RFFL: variants seen among roughly 807,000 people sequenced by gnomAD.
RFFL encodes E3 ubiquitin-protein ligase rififylin.
A neutral mutation model predicts 40.4 loss-of-function variants in RFFL; 16 were observed. The observed-to-expected ratio is 0.40, with a 90% CI of 0.27 to 0.60. The LOEUF (loss-of-function observed/expected upper bound fraction) is 0.60. RFFL is among the 20% of genes least tolerant of loss of function. RFFL has a pLI of 0.47. For missense variants in RFFL, 367 were observed against 451.7 expected (o/e 0.81, Z 1.70); for synonymous variants, 154 against 167.9 (o/e 0.92, Z 0.64).
upstream of RFFL, among the ~76,000 whole-genome samples, chr17:35,064,289 A>AT (rs35094978): frequency 0.026 from 3,780 of 147,734 alleles, 158 homozygotes; most frequent in African/African-American, 0.086. Flanking sequence ...ATGCACTGGA[A>AT]TTTTTTTTTT....
chr17:35,059,960 G>C (rs547920559), intron 1 of RFFL, among the ~76,000 whole-genome samples: 2 of 152,262 alleles, frequency 1.3e-5, no homozygotes, highest in South Asian at 2.1e-4. Context: ...TAGCTCTAAT[G>C]GTTCAGCTTT....
chr17:35,028,238 G>A (rs2078596272), intron 1 of RFFL, among the ~76,000 whole-genome samples: 1 of 151,954 alleles, frequency 6.6e-6, no homozygotes, highest in Admixed American at 6.5e-5. Flanking sequence ...AGGAGGCTGA[G>A]GTGAGAGGAT....
At chr17:35,022,751 G>A (rs563610362) in intron 2 of RFFL, among the ~76,000 whole-genome samples, 1 of 152,150 alleles carries the variant, frequency 6.6e-6, no homozygotes, top group Non-Finnish European at 1.5e-5. Context: ...CTCCAGGAAG[G>A]CCCACTCAGA....
At chr17:35,056,301 C>G (rs2091260776) in intron 1 of RFFL, among the ~76,000 whole-genome samples, 1 of 152,018 alleles carries the variant, frequency 6.6e-6, no homozygotes, top group Non-Finnish European at 1.5e-5. Context: ...TCTTTTGCCC[C>G]CTACATAGGC....
rs145292485 is a variant in RFFL, at chr17:35,045,781, T to C, written c.-9+17795A>G. On this transcript the variant is annotated intron_variant, in intron 1 of 6. Coordinates refer to ENST00000394597, the MANE Select transcript of RFFL (RefSeq NM_001017368.2). The stretch of plus-strand genomic sequence containing the variant: ...GCTCACGCCTGTAATCGCAGCACTT[T>C]GGGAGGCTGAAGCCGGCGGATCACC... Among the ~76,000 whole-genome samples the C allele has an allele frequency of 7.1e-3, 1,081 of 151,982 alleles. 14 individuals carry two copies. The highest frequency in any genetic ancestry group is 0.024 in the African/African-American group (1,007 of 41,436).
At chr17:35,079,007 G>C (rs6505442) in intron 1 of RFFL, among the ~76,000 whole-genome samples, 10,087 of 151,804 alleles carry the variant, frequency 0.066, 1,016 homozygotes, top group African/African-American at 0.21. Context: ...GTGATGTTTG[G>C]TTGGGAAGAC....
upstream of RFFL, among the ~76,000 whole-genome samples, chr17:35,066,651 A>C (rs886894464): frequency 7.2e-5 from 11 of 152,142 alleles, no homozygotes; most frequent in African/African-American, 2.7e-4. Context: ...CTTTCCTCTC[A>C]ACATCTCCCT....
chr17:35,069,342 ATCT>A, intron 1 of RFFL: 1 of 456,612 alleles, frequency 2.2e-6, no homozygotes, highest in Non-Finnish European at 4.4e-6. Flanking sequence ...CACGTGTTTC[ATCT>A]TGAAGGGTGA....
upstream of RFFL, among the ~76,000 whole-genome samples, chr17:35,067,116 A>ATTT (rs542174092): frequency 3.2e-4 from 44 of 139,038 alleles, 1 homozygote; most frequent in African/African-American, 1.0e-3. Context: ...CAGAAACTGA[A>ATTT]TTTTTTTTTT....
chr17:35,023,954 A>G (rs889380041), intron 2 of RFFL, among the ~76,000 whole-genome samples: 7 of 152,194 alleles, frequency 4.6e-5, no homozygotes, highest in African/African-American at 7.2e-5. Context: ...AGAAGAAAGG[A>G]AAAAAGGGCT....
chr17:35,074,671 C>T (rs1396285145), intron 1 of RFFL, among the ~76,000 whole-genome samples: 2 of 152,150 alleles, frequency 1.3e-5, no homozygotes, highest in South Asian at 2.1e-4. Flanking sequence ...GAGGATTAAA[C>T]TTGTTAATAC....
chr17:35,024,248 G>A (rs772045005), intron 2 of RFFL, among the ~76,000 whole-genome samples: 1 of 152,048 alleles, frequency 6.6e-6, no homozygotes, highest in Non-Finnish European at 1.5e-5. Context: ...CCTATTCCCT[G>A]GAATATGGGA....
At chr17:35,051,190 A>C (rs2091229813) in intron 1 of RFFL, among the ~76,000 whole-genome samples, 1 of 152,196 alleles carries the variant, frequency 6.6e-6, no homozygotes, top group Non-Finnish European at 1.5e-5. Flanking sequence ...TGGTCCCTAC[A>C]AGAAAGACAT....
At chr17:35,087,801 A>C (rs980764087) in intron 1 of RFFL, among the ~76,000 whole-genome samples, 1 of 152,248 alleles carries the variant, frequency 6.6e-6, no homozygotes, top group African/African-American at 2.4e-5. Context: ...AATATACAAT[A>C]AAAGTTCGGA....
chr17:35,051,648 G>T (rs146431362), intron 1 of RFFL, among the ~76,000 whole-genome samples: 1 of 152,150 alleles, frequency 6.6e-6, no homozygotes, highest in Non-Finnish European at 1.5e-5. Context: ...CTGAGATAAG[G>T]AAATAAAGCC....
chr17:35,056,786 C>T (rs2142363510), intron 1 of RFFL, among the ~76,000 whole-genome samples: 1 of 152,338 alleles, frequency 6.6e-6, no homozygotes. Flanking sequence ...CACTTCCTTA[C>T]TGGTCCCTTC....
At chr17:35,044,847 T>C (rs1358602961) in intron 1 of RFFL, among the ~76,000 whole-genome samples, 2 of 151,328 alleles carry the variant, frequency 1.3e-5, no homozygotes, top group Admixed American at 6.6e-5. Flanking sequence ...CAGGGAAACC[T>C]TTCCTGATCC....
intron 1 of RFFL, among the ~76,000 whole-genome samples, chr17:35,078,022 CT>C (rs922092768): frequency 2.4e-4 from 37 of 151,586 alleles, no homozygotes; most frequent in African/African-American, 7.5e-4. Context: ...ATTTCTCAAT[CT>C]TTTTTTTTAT....
intron 1 of RFFL, among the ~76,000 whole-genome samples, chr17:35,050,908 G>T (rs1388155671): frequency 1.3e-5 from 2 of 152,124 alleles, no homozygotes; most frequent in Non-Finnish European, 2.9e-5. Context: ...GGAGGCGGAG[G>T]TTGTGGTGAG....
Sources: gnomAD v4.1 joint callset for allele counts (sites outside exome capture counted in the v4.1 genomes callset) on GRCh38, gnomAD v4.1.1 for gene constraint, MANE v1.5 for transcripts, NCBI Gene and HGNC (gene_info 2026-07-23, HGNC 2026-07-21) for gene names.